Variants in MEIS1 observed in about 807,000 individuals in gnomAD.
MEIS1 encodes the protein homeobox protein Meis1.
A neutral mutation model predicts 50.8 loss-of-function variants in MEIS1; 5 were observed. The ratio of observed to expected loss-of-function variants is 0.10; its 90% CI spans 0.05 to 0.21. The LOEUF (loss-of-function observed/expected upper bound fraction) is 0.21, where lower values mean the gene tolerates loss of function less well. Among genes scored for constraint, MEIS1 ranks in the 10% least tolerant of loss-of-function variants. The pLI, the probability that MEIS1 is intolerant of heterozygous loss-of-function variation, is 1.00. For missense variants in MEIS1, 318 were observed against 517.3 expected, an observed-to-expected ratio of 0.61 and a Z score of 3.74; for synonymous variants, 176 against 179.3, an observed-to-expected ratio of 0.98 and a Z score of 0.15.
At chr2:66,570,877 A>G (rs1675469591) in intron 12 of MEIS1, 1 of 215,640 alleles carries the variant, frequency 4.6e-6, no homozygotes, top group Non-Finnish European at 9.0e-6. Context: ...TGTGTAGTTC[A>G]GCTGCCTGTG....
chr2:66,483,134 C>T (rs916454938), intron 7 of MEIS1, among the ~76,000 whole-genome samples: 2 of 151,688 alleles, frequency 1.3e-5, no homozygotes, highest in Non-Finnish European at 2.9e-5. Flanking sequence ...ACCACATCAT[C>T]ATTATCAGCT....
intron 6 of MEIS1, among the ~76,000 whole-genome samples, chr2:66,446,225 G>A (rs1300765432): frequency 6.6e-6 from 1 of 152,198 alleles, no homozygotes; most frequent in South Asian, 2.1e-4. Context: ...AGGGGCCCTT[G>A]GGTGGATTAG....
rs757484147 is a variant in MEIS1 at position 66,571,276 on chromosome 2, C to T, written c.*68C>T. On this transcript the variant is annotated 3_prime_UTR_variant, in exon 13 of 13. Transcript: ENST00000272369. Reference sequence around the variant, plus strand: ...CAAAGTATGCCAGGGGAGTATGTAGCCCGGGGTGGTCCAATGGGTGTGAGT... The same window carrying T: ...CAAAGTATGCCAGGGGAGTATGTAGTCCGGGGTGGTCCAATGGGTGTGAGT... 19 of 1,594,658 alleles carry T rather than the reference C, an allele frequency of 1.2e-5. No individual in the cohort carries two copies. The South Asian group carries it at 1.9e-4, about 16-fold the overall frequency.
intron 6 of MEIS1, among the ~76,000 whole-genome samples, chr2:66,450,337 C>T (rs1180017419): frequency 6.6e-6 from 1 of 152,016 alleles, no homozygotes; most frequent in Admixed American, 6.6e-5. Context: ...AAATAAAATC[C>T]TGGCATGCAC....
At position 66,553,764 on chromosome 2, in the gene MEIS1, T is replaced by A. The variant is rs560816347; in HGVS notation, c.965+5745T>A. Among the ~76,000 whole-genome samples, 4 of 152,344 alleles carry A rather than the reference T, an allele frequency of 2.6e-5. No homozygotes were observed. In the South Asian group the frequency reaches 8.3e-4, roughly 32 times the overall value. On this transcript the variant is annotated intron_variant, in intron 9 of 12. Coordinates refer to ENST00000272369, the MANE Select transcript of MEIS1 (RefSeq NM_002398.3). ...TGACTCTGCAGTCTGTTAAATATAC[T>A]TTGTTGTAAGTTTTACACCATAAGT...
intron 7 of MEIS1, 143 bp from the exon 8 acceptor site, chr2:66,512,005 CA>C: frequency 9.9e-7 from 1 of 1,011,914 alleles, no homozygotes; most frequent in Non-Finnish European, 1.3e-6. Context: ...TCTTGGAAAA[CA>C]AAACACAACA....
At chr2:66,441,621 T>C in intron 5 of MEIS1, 157 bp downstream of exon 5, 1 of 610,178 alleles carries the variant, frequency 1.6e-6, no homozygotes, top group Non-Finnish European at 2.7e-6. Flanking sequence ...CGTCCATTTC[T>C]CTTCGCAGTT....
chr2:66,437,977 G>T lies in MEIS1; in HGVS notation c.239+14G>T. On this transcript the variant is annotated intron_variant, in intron 2 of 12. Coordinates refer to ENST00000272369, the MANE Select transcript of MEIS1 (RefSeq NM_002398.3). ...TGCCATTTATGGGTAGGTACAATGG[G>T]CAGCAGGTTAAGTAGTTGAGACTCA... The T allele has an allele frequency of 1.3e-6, 2 of 1,550,946 alleles. No individual in the cohort carries two copies. Among genetic ancestry groups the T allele is most frequent in the South Asian group, 2.4e-5 (2 of 83,890 alleles).
At chr2:66,534,268 G>A (rs1674465654) in intron 8 of MEIS1, among the ~76,000 whole-genome samples, 3 of 152,190 alleles carry the variant, frequency 2.0e-5, no homozygotes, top group African/African-American at 7.2e-5. Context: ...GGGCGCAGTG[G>A]CTCACACCTG....
chr2:66,463,729 G>A (rs970591494), intron 6 of MEIS1, among the ~76,000 whole-genome samples: 1 of 152,142 alleles, frequency 6.6e-6, no homozygotes, highest in African/African-American at 2.4e-5. Context: ...CAGTGTTATA[G>A]ACCACCACTC....
At chr2:66,509,127 C>T (rs928580213) in intron 7 of MEIS1, 1 of 456,748 alleles carries the variant, frequency 2.2e-6, no homozygotes. Context: ...GCTAAAGGTA[C>T]AATTGACCAT....
chr2:66,456,235 T>TACACACACACACACACACACACAC (rs3220293), intron 6 of MEIS1, among the ~76,000 whole-genome samples: 260 of 147,602 alleles, frequency 1.8e-3, no homozygotes, highest in African/African-American at 6.0e-3. Context: ...ATGATTTTTA[T>TACACACACACACACACACACACAC]ACACACACAC....
At chr2:66,464,306 C>A in intron 7 of MEIS1, 86 bp downstream of exon 7, 2 of 1,075,904 alleles carry the variant, frequency 1.9e-6, no homozygotes, top group Non-Finnish European at 2.8e-6. Context: ...ACTAAGTATA[C>A]AGTTTTTCCT....
chr2:66,439,506 G>C lies in MEIS1; in HGVS notation c.240-337G>C, dbSNP rs915615722. On this transcript the variant is annotated intron_variant, in intron 2 of 12. Coordinates refer to ENST00000272369, the MANE Select transcript of MEIS1 (RefSeq NM_002398.3). ...ATCCTGGATGTGCAGTGGAGGGGAC[G>C]AGGGCTTGTCGGGTGGGAAACTTAA... The C allele has an allele frequency of 1.0e-5, 15 of 1,468,626 alleles. No individual in the cohort carries two copies. The Admixed American group carries it at 1.6e-4, about 16-fold the overall frequency. 91.0% of individuals were successfully genotyped at this position (1,468,626 alleles called of 1,614,324 possible). A position where few individuals can be genotyped will look rare whatever the true frequency, so the allele number is the denominator to read the frequency against.
At chr2:66,546,175 G>A (rs1442600505) in intron 8 of MEIS1, among the ~76,000 whole-genome samples, 3 of 152,152 alleles carry the variant, frequency 2.0e-5, no homozygotes, top group Non-Finnish European at 4.4e-5. Flanking sequence ...AGATGAATGT[G>A]AGCGTGATAA....
intron 7 of MEIS1, among the ~76,000 whole-genome samples, chr2:66,505,612 T>C (rs762228662): frequency 1.3e-5 from 2 of 152,180 alleles, no homozygotes; most frequent in Admixed American, 6.5e-5. Context: ...TTCTCAGCTA[T>C]GGTAAACCTG....
chr2:66,533,321 A>ATTATTT, intron 8 of MEIS1, among the ~76,000 whole-genome samples: 2 of 151,060 alleles, frequency 1.3e-5, no homozygotes, highest in African/African-American at 4.8e-5. Context: ...ATTATTATTG[A>ATTATTT]TTATTTTTCC....
chr2:66,520,860 A>G (rs771601230), intron 8 of MEIS1, among the ~76,000 whole-genome samples: 1 of 152,232 alleles, frequency 6.6e-6, no homozygotes, highest in Non-Finnish European at 1.5e-5. Flanking sequence ...AGCTTGAACC[A>G]GGATCTCCTG....
chr2:66,435,728 G>A lies in MEIS1; in HGVS notation c.-129G>A. 1.2e-6 allele frequency: 1 copy of A among 858,944 alleles called. No homozygotes were observed. Among genetic ancestry groups the A allele is most frequent in the Non-Finnish European group, 1.7e-6 (1 of 574,216 alleles). 53.2% of individuals were successfully genotyped at this position (858,944 alleles called of 1,614,324 possible). On this transcript the variant is annotated 5_prime_UTR_variant, in exon 1 of 13. Transcript: ENST00000272369. Reference sequence around the variant, plus strand: ...AGCTCACGTTGCTGGAGACGTTAAGGGATTTTTCGTCGTGCTTTTTTTTTT... The same window carrying A: ...AGCTCACGTTGCTGGAGACGTTAAGAGATTTTTCGTCGTGCTTTTTTTTTT...
Sources: gnomAD v4.1 joint callset for allele counts (sites outside exome capture counted in the v4.1 genomes callset) on GRCh38, gnomAD v4.1.1 for gene constraint, MANE v1.5 for transcripts, NCBI Gene and HGNC (gene_info 2026-07-23, HGNC 2026-07-21) for gene names.